SORCS2: variants seen among roughly 807,000 people sequenced by gnomAD.
SORCS2 encodes the protein VPS10 domain-containing receptor SorCS2.
In SORCS2, 100 loss-of-function variants were observed where a neutral mutation model predicts 141.6. That is an observed-to-expected ratio of 0.71 (90% confidence interval 0.60 to 0.83). SORCS2 has a LOEUF of 0.83. SORCS2 is among the 40% of genes least tolerant of loss of function. SORCS2 has a pLI of 0.00. For missense variants in SORCS2, 1,646 were observed against 1,560.2 expected (o/e 1.05, Z -0.93); for synonymous variants, 789 against 676.9 (o/e 1.17, Z -2.57).
rs59540030 is a variant in SORCS2 at position 7,715,459 on chromosome 4, C to G, written c.2252+148C>G. On this transcript the variant is annotated intron_variant, in intron 17 of 26. Transcript: ENST00000507866. ...AGAGGTCAAAGTTGAGGATGCCCCACGCTCACAGCACAGAGCCTGGCTGCG... is the reference window on the plus strand; with the variant it reads ...AGAGGTCAAAGTTGAGGATGCCCCAGGCTCACAGCACAGAGCCTGGCTGCG... 3.3e-6 allele frequency: 4 copies of G among 1,196,392 alleles called. No homozygotes were observed. The South Asian group carries it at 4.6e-5, about 14-fold the overall frequency. 74.1% of individuals were successfully genotyped at this position (1,196,392 alleles called of 1,614,324 possible). A position where few individuals can be genotyped will look rare whatever the true frequency, so the allele number is the denominator to read the frequency against.
At chr4:7,393,440 A>T (rs1032398630) in intron 1 of SORCS2, among the ~76,000 whole-genome samples, 1 of 152,224 alleles carries the variant, frequency 6.6e-6, no homozygotes. Context: ...GTTCTTTGAA[A>T]CTACTTTTAA....
intron 3 of SORCS2, among the ~76,000 whole-genome samples, chr4:7,613,842 C>G (rs1718577830): frequency 6.6e-6 from 1 of 152,048 alleles, no homozygotes; most frequent in Non-Finnish European, 1.5e-5. Flanking sequence ...TATCCATTCA[C>G]TCATCCGCCA....
At chr4:7,396,173 G>C in intron 1 of SORCS2, 115 bp from the exon 2 acceptor site, 1 of 875,396 alleles carries the variant, frequency 1.1e-6, no homozygotes, top group Non-Finnish European at 1.8e-6. Flanking sequence ...AGAGGCCCCT[G>C]GGCGGCTGTT....
intron 3 of SORCS2, among the ~76,000 whole-genome samples, chr4:7,583,352 C>G (rs1214717294): frequency 6.6e-6 from 1 of 152,124 alleles, no homozygotes; most frequent in Non-Finnish European, 1.5e-5. Context: ...TTCCAACCCC[C>G]CTACACTCCT....
At chr4:7,339,433 G>A (rs1422076051) in intron 1 of SORCS2, among the ~76,000 whole-genome samples, 1 of 152,236 alleles carries the variant, frequency 6.6e-6, no homozygotes, top group Non-Finnish European at 1.5e-5. Context: ...TGAGATCGAG[G>A]TGCCTGCAAG....
At chr4:7,740,154 G>A in intron 26 of SORCS2, 46 bp from the exon 27 acceptor site, 9 of 1,551,754 alleles carry the variant, frequency 5.8e-6, no homozygotes, top group Non-Finnish European at 7.9e-6. Flanking sequence ...CCTGTCTCCA[G>A]TCCCGGGCTT....
At chr4:7,623,627 C>T (rs1232707936) in intron 3 of SORCS2, among the ~76,000 whole-genome samples, 1 of 152,184 alleles carries the variant, frequency 6.6e-6, no homozygotes, top group Non-Finnish European at 1.5e-5. Flanking sequence ...GTCTCCTCCT[C>T]CCCATCCCAC....
chr4:7,706,206 GCTGGGCTCCGT>G, intron 14 of SORCS2, among the ~76,000 whole-genome samples: 1 of 127,568 alleles, frequency 7.8e-6, no homozygotes, highest in Non-Finnish European at 1.7e-5. Context: ...CAGGGATGAG[GCTGGGCTCCGT>G]CTGGGCAGGG....
chr4:7,687,195 C>T (rs1320813615), intron 10 of SORCS2, among the ~76,000 whole-genome samples: 1 of 152,186 alleles, frequency 6.6e-6, no homozygotes, highest in Non-Finnish European at 1.5e-5. Context: ...GCGTCCTCTG[C>T]CGGGCACACT....
intron 2 of SORCS2, chr4:7,433,515 G>A: frequency 6.2e-7 from 1 of 1,607,340 alleles, no homozygotes; most frequent in Non-Finnish European, 8.5e-7. Flanking sequence ...GGTCCATCAT[G>A]TCCTTGAGAC....
chr4:7,215,966 C>T (rs1016149238), intron 1 of SORCS2, among the ~76,000 whole-genome samples: 3 of 151,794 alleles, frequency 2.0e-5, no homozygotes, highest in African/African-American at 4.8e-5. Flanking sequence ...GCAGTGGCAA[C>T]CCGCTCGGGT....
rs1396928489 is a variant in SORCS2 at position 7,249,837 on chromosome 4, G to C, written c.480+56711G>C. 2.6e-5 allele frequency among the ~76,000 whole-genome samples: 4 copies of C among 152,186 alleles called. No homozygotes were observed. The East Asian group carries it at 7.7e-4, about 29-fold the overall frequency. On this transcript the variant is annotated intron_variant, in intron 1 of 26. Transcript: ENST00000507866. ...AGGACCCGCAGGTTTCCTCTCTCTG[G>C]TAAAAGCTGGATTTATCCACTCAGA...
chr4:7,658,477 G>T (rs1163889690), intron 5 of SORCS2, among the ~76,000 whole-genome samples: 1 of 152,198 alleles, frequency 6.6e-6, no homozygotes, highest in African/African-American at 2.4e-5. Context: ...ATTCAGGAGA[G>T]AGCAATGTCA....
At chr4:7,665,291 C>A (rs1325217332) in intron 7 of SORCS2, among the ~76,000 whole-genome samples, 2 of 152,170 alleles carry the variant, frequency 1.3e-5, no homozygotes, top group African/African-American at 2.4e-5. Flanking sequence ...AGGAGTTAGG[C>A]GCTAGGGCAG....
chr4:7,499,247 G>T (rs1159086638), intron 2 of SORCS2, among the ~76,000 whole-genome samples: 2 of 152,200 alleles, frequency 1.3e-5, no homozygotes, highest in Non-Finnish European at 2.9e-5. Context: ...TGTCTGCGGT[G>T]TGCACCACAT....
intron 1 of SORCS2, among the ~76,000 whole-genome samples, chr4:7,244,251 TC>T (rs1712920349): frequency 6.6e-6 from 1 of 152,176 alleles, no homozygotes; most frequent in Non-Finnish European, 1.5e-5. Flanking sequence ...CGAAGGCTTC[TC>T]CACTTGGAAC....
intron 2 of SORCS2, among the ~76,000 whole-genome samples, chr4:7,422,084 A>G (rs573524572): frequency 6.6e-6 from 1 of 152,122 alleles, no homozygotes; most frequent in Non-Finnish European, 1.5e-5. Context: ...TGAGCCCTGC[A>G]TTTCGGAAAA....
chr4:7,204,097 G>A (rs975221027), intron 1 of SORCS2, among the ~76,000 whole-genome samples: 2 of 152,164 alleles, frequency 1.3e-5, no homozygotes, highest in Non-Finnish European at 2.9e-5. Context: ...CACCTTTTGG[G>A]TAGTGTGAAT....
At chr4:7,487,765 A>AT (rs1731081456) in intron 2 of SORCS2, among the ~76,000 whole-genome samples, 1 of 152,072 alleles carries the variant, frequency 6.6e-6, no homozygotes, top group Non-Finnish European at 1.5e-5. Flanking sequence ...TCTTCTCTGC[A>AT]TCTCTTTCTC....
Sources: gnomAD v4.1 joint callset for allele counts (sites outside exome capture counted in the v4.1 genomes callset) on GRCh38, gnomAD v4.1.1 for gene constraint, MANE v1.5 for transcripts, NCBI Gene and HGNC (gene_info 2026-07-23, HGNC 2026-07-21) for gene names.